PLEC: variants seen among roughly 807,000 people sequenced by gnomAD.
The protein encoded by PLEC is hemidesmosomal protein 1.
PLEC carries 216 observed loss-of-function variants against 392.8 expected under a neutral mutation model. That is an observed-to-expected ratio of 0.55 (90% confidence interval 0.49 to 0.62). The LOEUF (loss-of-function observed/expected upper bound fraction) is 0.62, where lower values mean the gene tolerates loss of function less well. PLEC is among the 20% of genes least tolerant of loss of function. The pLI is 0.00. For missense variants in PLEC, 6,863 were observed against 6,563.4 expected, an observed-to-expected ratio of 1.05 and a Z score of -1.58; for synonymous variants, 3,621 against 2,980.6, an observed-to-expected ratio of 1.21 and a Z score of -7.00.
exon 1 of PLEC, chr8:143,950,189 G>A: frequency 1.3e-6 from 2 of 1,519,948 alleles, no homozygotes; most frequent in Non-Finnish European, 1.8e-6. Context: ...CTGACCTGTG[G>A]CTGGGGCAGG....
At chr8:143,944,807 G>C in intron 1 of PLEC, 2 of 863,814 alleles carry the variant, frequency 2.3e-6, no homozygotes, top group Non-Finnish European at 3.2e-6. Flanking sequence ...GCAGCAGCTT[G>C]TGGGGGAGGG....
Position 143,932,863 on chromosome 8 carries a change from C to T in PLEC, c.1667G>A (p.Gly556Asp), listed in dbSNP as rs1166945836. 4.3e-6 allele frequency: 7 copies of T among 1,612,050 alleles called. No individual in the cohort carries two copies. In the South Asian group the frequency reaches 4.4e-5, roughly 10 times the overall value. ...VDLPSVEAQLGSHRGLHQSIE... is the reference protein window; with the variant it reads ...VDLPSVEAQLDSHRGLHQSIE... Reference sequence around the variant, plus strand: ...GGACTGGTGCAGGCCTCGGTGGCTGCCCAGCTGCGCCTCCACGCTGGGCAG... The same window carrying T: ...GGACTGGTGCAGGCCTCGGTGGCTGTCCAGCTGCGCCTCCACGCTGGGCAG... The change falls in exon 14 of 32, where the codon GGC becomes GAC. Residue 556 changes from glycine to aspartate, a missense_variant. Transcript: ENST00000345136.
intron 1 of PLEC, among the ~76,000 whole-genome samples, chr8:143,966,471 T>A (rs1329954605): frequency 6.6e-6 from 1 of 152,194 alleles, no homozygotes; most frequent in Non-Finnish European, 1.5e-5. Context: ...CGCAGGCACA[T>A]CCTCTCCACC....
upstream of PLEC, among the ~76,000 whole-genome samples, chr8:143,952,226 G>A (rs754844516): frequency 1.7e-4 from 24 of 144,204 alleles, no homozygotes; most frequent in African/African-American, 5.6e-4. Context: ...ACACACGCAC[G>A]CGCACGCGCA....
Position 143,928,005 on chromosome 8 carries a change from C to G in PLEC, c.3261-13G>C. On this transcript the variant is annotated splice_polypyrimidine_tract_variant and intron_variant, in intron 25 of 31. Coordinates refer to ENST00000345136, the MANE Select transcript of PLEC (RefSeq NM_201384.3). ...GATGGTCTTGAGCCTGGCGGGAAAG[C>G]GGGGCTCAGGGCCATGACATGGGGC... is the stretch of plus-strand genomic sequence containing the variant. The G allele has an allele frequency of 6.3e-7, 1 of 1,587,192 alleles. No homozygotes were observed. Among genetic ancestry groups the G allele is most frequent in the Non-Finnish European group, 8.6e-7 (1 of 1,162,698 alleles).
chr8:143,945,186 G>A (rs1004275869), intron 1 of PLEC: 6 of 475,480 alleles, frequency 1.3e-5, no homozygotes, highest in African/African-American at 4.1e-5. Context: ...ACCGGTGGCC[G>A]GGACAGCCAC....
intron 1 of PLEC, among the ~76,000 whole-genome samples, chr8:143,967,538 G>C (rs141376975): frequency 6.6e-6 from 1 of 152,074 alleles, no homozygotes; most frequent in East Asian, 1.9e-4. Flanking sequence ...AGTTTACGCC[G>C]AATACAAGTG....
Position 143,925,476 on chromosome 8 carries a change from C to T in PLEC, c.4453G>A (p.Ala1485Thr), listed in dbSNP as rs782312931. The change falls in exon 31 of 32, where the codon GCT becomes ACT. Residue 1485 changes from alanine (A) to threonine (T), a missense_variant. Coordinates refer to ENST00000345136, the MANE Select transcript of PLEC (RefSeq NM_201384.3). ...LQALRARAEEAEAQKRQAQEE... is the reference protein window; with the variant it reads ...LQALRARAEETEAQKRQAQEE... ...TGCGCCTGTCGCTTTTGTGCCTCAG[C>T]CTCCTCCGCCCGTGCACGCAGTGCC... 1 of 1,596,176 alleles carries T rather than the reference C, an allele frequency of 6.3e-7. No individual in the cohort carries two copies. The highest frequency in any genetic ancestry group is 1.1e-5 in the South Asian group (1 of 90,896).
intron 18 of PLEC, 110 bp from the exon 19 acceptor site, chr8:143,931,769 C>G: frequency 6.6e-7 from 1 of 1,525,884 alleles, no homozygotes; most frequent in East Asian, 2.4e-5. Flanking sequence ...GTGGCAAAGC[C>G]CCCAGGAGGC....
chr8:143,963,750 C>G (rs1415269180), intron 1 of PLEC, among the ~76,000 whole-genome samples: 1 of 151,692 alleles, frequency 6.6e-6, no homozygotes, highest in Non-Finnish European at 1.5e-5. Flanking sequence ...TTAAGCAATC[C>G]TCCTACCTCC....
In PLEC at chr8:143,932,232, C is replaced by T. The variant is rs782001129; in HGVS notation, c.1980G>A (p.Ala660=). 10 of 1,612,126 alleles carry T rather than the reference C, an allele frequency of 6.2e-6. No individual in the cohort carries two copies. Among genetic ancestry groups the T allele is most frequent in the Admixed American group, 3.3e-5 (2 of 60,008 alleles). ...NMTAKKESYS[A]LMRELELKEK... ...CCTTCAGCTCCAGCTCCCGCATCAGCGCCTGGCACCAGAGCAAAGGGTCTC... is the reference window on the plus strand; with the variant it reads ...CCTTCAGCTCCAGCTCCCGCATCAGTGCCTGGCACCAGAGCAAAGGGTCTC... The change falls in exon 17 of 32, where the codon GCG becomes GCA. Residue 660 remains alanine (A), a splice_region_variant and synonymous_variant. Transcript: ENST00000345136.
Position 143,929,198 on chromosome 8 carries a change from C to T in PLEC, c.3165G>A (p.Glu1055=), listed in dbSNP as rs1180306618. Residue 1055 remains glutamate, a synonymous_variant, in exon 25 of 32, where the codon GAG becomes GAA. Coordinates refer to ENST00000345136, the MANE Select transcript of PLEC (RefSeq NM_201384.3). The part of the protein sequence containing the change: ...AEAEKVLALP[E]PSPAAPTLRS... Reference sequence around the variant, plus strand: ...GCAGCGTGGGGGCCGCAGGCGATGGCTCTGGTAGGGCCAAGACCTTCTCGG... The same window carrying T: ...GCAGCGTGGGGGCCGCAGGCGATGGTTCTGGTAGGGCCAAGACCTTCTCGG... 1.2e-6 allele frequency: 2 copies of T among 1,602,140 alleles called. No homozygotes were observed. Among genetic ancestry groups the T allele is most frequent in the Non-Finnish European group, 1.7e-6 (2 of 1,177,492 alleles).
intron 3 of PLEC, chr8:143,937,651 G>A (rs927378622): frequency 6.9e-5 from 34 of 494,762 alleles, no homozygotes; most frequent in Non-Finnish European, 1.2e-4. Flanking sequence ...CAAGAGCCAG[G>A]CAGGGGTTGG....
intron 20 of PLEC, 31 bp downstream of exon 20, chr8:143,930,353 G>GC (rs782561077): frequency 8.2e-6 from 13 of 1,579,424 alleles, no homozygotes; most frequent in Admixed American, 3.6e-5. Flanking sequence ...GCCTGGCCAC[G>GC]CCCCCCAGTG....
Position 143,925,770 on chromosome 8 carries a change from C to A in PLEC, c.4159G>T (p.Glu1387Ter), listed in dbSNP as rs1554703994. Reference protein sequence around the residue: ...EAHAQAKAQAEREAKELQQRM... With the variant: ...EAHAQAKAQA ...TGCTGCAGCTCCTTCGCCTCCCGCT[C>A]CGCCTGTGCCTTTGCCTGGGCGTGC... Residue 1387 changes from glutamate (E) to a stop codon, truncating the protein, a stop_gained, in exon 31 of 32, where the codon GAG becomes TAG. Coordinates refer to ENST00000345136, the MANE Select transcript of PLEC (RefSeq NM_201384.3). LOFTEE classifies it high-confidence loss of function. 2 of 1,590,144 alleles carry A rather than the reference C, an allele frequency of 1.3e-6. No homozygotes were observed. Among genetic ancestry groups the A allele is most frequent in the East Asian group, 4.5e-5 (2 of 44,538 alleles).
chr8:143,918,303 G>T lies in PLEC; in HGVS notation c.11518C>A (p.Pro3840Thr). The T allele has an allele frequency of 6.3e-7, 1 of 1,591,508 alleles. No individual in the cohort carries two copies. The highest frequency in any genetic ancestry group is 8.5e-7 in the Non-Finnish European group (1 of 1,176,228). ...TCCACGTAGCTGCGCACCTCGCTGG[G>T]CTCTGACAGCTGGTCGTGCGTGTCC... is the stretch of plus-strand genomic sequence containing the variant. ...NKDTHDQLSE[P>T]SEVRSYVDPS... Residue 3840 changes from proline to threonine, a missense_variant, in exon 32 of 32, where the codon CCC becomes ACC. Pro to Thr is a conservative substitution (Grantham distance 38). Transcript: ENST00000345136.
At position 143,919,364 on chromosome 8, in the gene PLEC, T is replaced by G; in HGVS notation, c.10457A>C (p.Asp3486Ala). The G allele has an allele frequency of 6.2e-7, 1 of 1,613,764 alleles. No homozygotes were observed. Among genetic ancestry groups the G allele is most frequent in the Non-Finnish European group, 8.5e-7 (1 of 1,179,998 alleles). The change falls in exon 32 of 32, where the codon GAC (aspartate) becomes GCC (alanine). Residue 3486 changes from aspartate to alanine, a missense_variant. By Grantham distance (126) the Asp-to-Ala change is moderately radical. Coordinates refer to ENST00000345136, the MANE Select transcript of PLEC (RefSeq NM_201384.3). Reference protein sequence around the residue: ...DPVHSHRVPVDVAYQRGYFSE... With the variant: ...DPVHSHRVPVAVAYQRGYFSE... ...GAAGTAGCCGCGCTGGTAGGCCACG[T>G]CCACAGGCACGCGGTGGCTGTGCAC...
chr8:143,945,175 C>T (rs1831262380), intron 1 of PLEC: 2 of 464,760 alleles, frequency 4.3e-6, no homozygotes, highest in Non-Finnish European at 8.7e-6. Context: ...CACCTGGCCC[C>T]ACCGGTGGCC....
In PLEC at chr8:143,927,606, C is replaced by T. The variant is rs782730877; in HGVS notation, c.3560G>A (p.Arg1187His). 59 of 1,586,652 alleles carry T rather than the reference C, an allele frequency of 3.7e-5. No individual in the cohort carries two copies. The highest frequency in any genetic ancestry group is 5.6e-5 in the South Asian group (5 of 89,450). The change falls in exon 27 of 32, where the codon CGC becomes CAC. Residue 1187 changes from arginine to histidine, a missense_variant. Arg to His is a conservative substitution (Grantham distance 29, BLOSUM62 0). Coordinates refer to ENST00000345136, the MANE Select transcript of PLEC (RefSeq NM_201384.3). ...WRERVAQLLE[R>H]WQAVLAQTDV... ...GGTCTGGGCCAGCACAGCCTGCCAG[C>T]GCTCAAGCAACTGGGCGACCCGCTC...
Sources: allele counts gnomAD v4.1 joint callset (sites outside exome capture counted in the v4.1 genomes callset), GRCh38; gene constraint gnomAD v4.1.1; transcripts MANE v1.5; gene names NCBI Gene and HGNC (gene_info 2026-07-23, HGNC 2026-07-21).